CYP4F11: variants seen among roughly 807,000 people sequenced by gnomAD.
The protein encoded by CYP4F11 is cytochrome P450 family 4 subfamily F member 11.
CYP4F11 carries 79 observed loss-of-function variants against 62.2 expected under a neutral mutation model. The observed-to-expected ratio is 1.27, with a 90% CI of 1.06 to 1.53. The LOEUF (loss-of-function observed/expected upper bound fraction) is 1.53. Ranked by LOEUF, CYP4F11 falls within the 40% of genes most tolerant of loss-of-function variation. The probability of loss-of-function intolerance (pLI) is 0.00; values close to 1 mark genes in which losing one functional copy is unlikely to be tolerated. For synonymous variants in CYP4F11, 290 were observed against 263.7 expected, an observed-to-expected ratio of 1.10 and a Z score of -0.97; for missense variants, 777 against 680.5, an observed-to-expected ratio of 1.14 and a Z score of -1.58.
intron 4 of CYP4F11, 107 bp from the exon 5 acceptor site, chr19:15,924,989 G>A: frequency 7.6e-7 from 1 of 1,308,988 alleles, no homozygotes; most frequent in East Asian, 2.9e-5. Context: ...CTGGTCCTCT[G>A]CCCCAGGTAC....
chr19:15,923,445 G>C (rs1372131455), intron 6 of CYP4F11, among the ~76,000 whole-genome samples: 2 of 152,194 alleles, frequency 1.3e-5, no homozygotes, highest in African/African-American at 4.8e-5. Flanking sequence ...TGGGAATAGA[G>C]AGCCAGCTCT....
At chr19:15,934,081 C>G (rs1422543582) in intron 1 of CYP4F11, 130 bp downstream of exon 1, 1 of 821,470 alleles carries the variant, frequency 1.2e-6, no homozygotes, top group African/African-American at 1.8e-5. Flanking sequence ...AATGAGTGAG[C>G]TGCCTCCCTC....
intron 8 of CYP4F11, among the ~76,000 whole-genome samples, chr19:15,918,231 A>T (rs2089597327): frequency 6.6e-6 from 1 of 152,132 alleles, no homozygotes; most frequent in Non-Finnish European, 1.5e-5. Context: ...GTGGGAGCCG[A>T]ACAAGGGAAA....
chr19:15,927,383 C>G, intron 3 of CYP4F11, 44 bp from the exon 4 acceptor site: 1 of 1,613,948 alleles, frequency 6.2e-7, no homozygotes. Flanking sequence ...AGCACCCTCC[C>G]TTATCCCTAA....
At chr19:15,928,143 C>T (rs1303613302) in intron 2 of CYP4F11, 1 of 152,198 alleles carries the variant, frequency 6.6e-6, no homozygotes, top group Non-Finnish European at 1.5e-5. Context: ...GGGTCCTACA[C>T]CTTGGACAAG....
intron 8 of CYP4F11, among the ~76,000 whole-genome samples, chr19:15,915,573 T>C (rs920418356): frequency 6.6e-6 from 1 of 152,342 alleles, no homozygotes; most frequent in South Asian, 2.1e-4. Context: ...CCTAAGTTAT[T>C]ATTATTTTTA....
chr19:15,934,681 G>C (rs11879253), upstream of CYP4F11: 261,142 of 370,000 alleles, frequency 0.71, 93,237 homozygotes, highest in Non-Finnish European at 0.73. Flanking sequence ...GAGGTTGCCA[G>C]GGGTCCAGTT....
At chr19:15,917,332 T>C (rs563498110) in intron 8 of CYP4F11, among the ~76,000 whole-genome samples, 1 of 152,012 alleles carries the variant, frequency 6.6e-6, no homozygotes, top group African/African-American at 2.4e-5. Context: ...TGTACACTGT[T>C]TAGGAGACAG....
chr19:15,925,764 TA>T (rs1393340356), intron 4 of CYP4F11, among the ~76,000 whole-genome samples: 2 of 99,792 alleles, frequency 2.0e-5, no homozygotes, highest in African/African-American at 7.4e-5. Flanking sequence ...ACACACCCTG[TA>T]GTTGTTTGGG....
chr19:15,929,807 G>A (rs1723729502), intron 1 of CYP4F11, among the ~76,000 whole-genome samples: 1 of 152,206 alleles, frequency 6.6e-6, no homozygotes, highest in Non-Finnish European at 1.5e-5. Context: ...CACCTCCCCA[G>A]TGGGGGTGGG....
intron 4 of CYP4F11, among the ~76,000 whole-genome samples, chr19:15,925,154 G>T (rs969833915): frequency 2.6e-5 from 4 of 152,252 alleles, no homozygotes; most frequent in Middle Eastern, 3.4e-3. Flanking sequence ...ACTCCCATAG[G>T]TCCCATCTAT....
At chr19:15,922,283 A>T in intron 7 of CYP4F11, 81 bp downstream of exon 7, 3 of 1,605,768 alleles carry the variant, frequency 1.9e-6, no homozygotes, top group Non-Finnish European at 2.6e-6. Flanking sequence ...GGGCAGAATT[A>T]AGTGATCCAG....
chr19:15,913,734 A>G lies in CYP4F11; in HGVS notation c.1573T>C (p.Ter525ArgextTer18). The change falls in exon 12 of 12, where the codon TGA becomes CGA. Residue 525 changes from the stop codon to arginine, a stop_lost. Transcript: ENST00000402119. ...AGGTGGGTGGGTGGGTAGGACAGTC[A>G]CTGTGAGTTCGCACCCAGGGGCTCC... ...RVEPLGANSQ[*>R] The G allele has an allele frequency of 1.2e-6, 2 of 1,614,082 alleles. No homozygotes were observed. The highest frequency in any genetic ancestry group is 1.7e-6 in the Non-Finnish European group (2 of 1,179,972).
chr19:15,913,761 C>T lies in CYP4F11; in HGVS notation c.1546G>A (p.Val516Met). ...TGTGAGTTCGCACCCAGGGGCTCCA[C>T]CCGCAGCCAAAGTCCACCCTCTGCG... ...LRAEGGLWLR[V>M]EPLGANSQ The change falls in exon 12 of 12, where the codon GTG becomes ATG. Residue 516 changes from valine (V) to methionine (M), a missense_variant. Val to Met is a conservative substitution (Grantham distance 21, BLOSUM62 1). Coordinates refer to ENST00000402119, the MANE Select transcript of CYP4F11 (RefSeq NM_021187.4). 1 of 1,614,166 alleles carries T rather than the reference C, an allele frequency of 6.2e-7. No individual in the cohort carries two copies. Among genetic ancestry groups the T allele is most frequent in the Non-Finnish European group, 8.5e-7 (1 of 1,180,026 alleles).
intron 6 of CYP4F11, among the ~76,000 whole-genome samples, chr19:15,923,278 T>TCTCC (rs2089643210): frequency 6.6e-6 from 1 of 150,884 alleles, no homozygotes; most frequent in Non-Finnish European, 1.5e-5. Context: ...TCTCTCTCTC[T>TCTCC]CTTTCTCATT....
chr19:15,930,565 C>CT (rs1311039092), intron 1 of CYP4F11, among the ~76,000 whole-genome samples: 1 of 152,058 alleles, frequency 6.6e-6, no homozygotes, highest in African/African-American at 2.4e-5. Flanking sequence ...GCACTCTAGC[C>CT]TGGGCAACAG....
intron 11 of CYP4F11, 98 bp downstream of exon 11, chr19:15,914,207 G>C: frequency 7.0e-7 from 1 of 1,421,602 alleles, no homozygotes; most frequent in Non-Finnish European, 9.7e-7. Context: ...GAGGAAGGGA[G>C]GGAAGGAGAG....
rs578118279 is a variant in CYP4F11, at chr19:15,923,834, A to ATGAAGTC, written c.889_895dup (p.Ile299ArgfsTer4). The ATGAAGTC allele has an allele frequency of 3.7e-6, 6 of 1,613,850 alleles. No individual in the cohort carries two copies. In the African/African-American group the frequency reaches 4.0e-5, roughly 11 times the overall value. ...TACCTTGCTCAGCAGAAGCACATCA[A>ATGAAGTC]TGAAGTCTAAAGTCTTGGACTTTGC... On this transcript the variant is annotated frameshift_variant, in exon 6 of 12. Coordinates refer to ENST00000402119, the MANE Select transcript of CYP4F11 (RefSeq NM_021187.4). LOFTEE classifies it high-confidence loss of function.
At chr19:15,934,532 G>T, upstream of CYP4F11, 1 of 1,180,248 alleles carries the variant, frequency 8.5e-7, no homozygotes, top group Non-Finnish European at 1.2e-6. Flanking sequence ...AAGGCTCTGA[G>T]ATGGGTAAAC....
Sources: allele counts gnomAD v4.1 joint callset (sites outside exome capture counted in the v4.1 genomes callset), GRCh38; gene constraint gnomAD v4.1.1; transcripts MANE v1.5; gene names NCBI Gene and HGNC (gene_info 2026-07-23, HGNC 2026-07-21).